The following LAMA1 variants were observed in gnomAD, a reference collection of about 807,000 sequenced individuals.
LAMA1 encodes laminin subunit alpha-1.
A neutral mutation model predicts 348.7 loss-of-function variants in LAMA1; 219 were observed. The observed-to-expected ratio is 0.63, with a 90% CI of 0.56 to 0.70. The LOEUF (loss-of-function observed/expected upper bound fraction) is 0.70. Among genes scored for constraint, LAMA1 ranks in the 30% least tolerant of loss-of-function variants. The pLI, the probability that LAMA1 is intolerant of heterozygous loss-of-function variation, is 0.00. For synonymous variants in LAMA1, 1,487 were observed against 1,491.0 expected, an observed-to-expected ratio of 1.00 and a Z score of 0.06; for missense variants, 3,744 against 3,888.0, an observed-to-expected ratio of 0.96 and a Z score of 0.99.
chr18:6,963,543 C>T (rs956682262), intron 51 of LAMA1, among the ~76,000 whole-genome samples: 4 of 152,220 alleles, frequency 2.6e-5, no homozygotes, highest in African/African-American at 9.6e-5. Context: ...AGAAGTGGCT[C>T]TCTCTACAAA....
Position 7,016,050 on chromosome 18 carries a change from A to G in LAMA1, c.2990-192T>C, listed in dbSNP as rs1205586701. Among the ~76,000 whole-genome samples, 3 of 152,146 alleles carry G rather than the reference A, an allele frequency of 2.0e-5. No homozygotes were observed. The East Asian group carries it at 5.8e-4, about 29-fold the overall frequency. ...CCTCCATCTCAGGAGATGCTGAGGGAAGCGGGGAAATGGGGACAGGACAGG... is the reference window on the plus strand; with the variant it reads ...CCTCCATCTCAGGAGATGCTGAGGGGAGCGGGGAAATGGGGACAGGACAGG... On this transcript the variant is annotated intron_variant, in intron 21 of 62. Coordinates refer to ENST00000389658, the MANE Select transcript of LAMA1 (RefSeq NM_005559.4).
intron 41 of LAMA1, among the ~76,000 whole-genome samples, chr18:6,981,058 G>C (rs1461969298): frequency 6.6e-6 from 1 of 151,372 alleles, no homozygotes; most frequent in Non-Finnish European, 1.5e-5. Flanking sequence ...AGCTGAGATC[G>C]TGCCACTGCA....
intron 33 of LAMA1, among the ~76,000 whole-genome samples, chr18:6,996,243 T>C (rs2057780611): frequency 6.6e-6 from 1 of 152,028 alleles, no homozygotes; most frequent in Non-Finnish European, 1.5e-5. Flanking sequence ...GAACTACCAT[T>C]ATAGAGAAAA....
At chr18:7,081,191 T>C (rs926269027) in intron 1 of LAMA1, among the ~76,000 whole-genome samples, 2 of 152,184 alleles carry the variant, frequency 1.3e-5, no homozygotes, top group East Asian at 3.9e-4. Context: ...GGCGAGAGTA[T>C]GGGTGTTCAC....
chr18:6,982,260 T>C (rs1568017508), intron 41 of LAMA1, among the ~76,000 whole-genome samples: 1 of 152,166 alleles, frequency 6.6e-6, no homozygotes, highest in Non-Finnish European at 1.5e-5. Flanking sequence ...AAGATAGAGA[T>C]GACTGCACAA....
intron 12 of LAMA1, 45 bp from the exon 13 acceptor site, chr18:7,036,133 A>G: frequency 7.4e-7 from 1 of 1,357,360 alleles, no homozygotes; most frequent in Non-Finnish European, 1.1e-6. Flanking sequence ...GAAGACAATC[A>G]CAGCAACAAT....
chr18:7,005,113 C>A (rs1358507405), intron 29 of LAMA1, among the ~76,000 whole-genome samples: 1 of 152,208 alleles, frequency 6.6e-6, no homozygotes, highest in Non-Finnish European at 1.5e-5. Context: ...GGACCCACGA[C>A]CACTCCATCT....
chr18:7,026,364 G>A (rs1027142364), intron 16 of LAMA1, among the ~76,000 whole-genome samples: 2 of 152,210 alleles, frequency 1.3e-5, no homozygotes, highest in Non-Finnish European at 2.9e-5. Context: ...TCAAGCTTTT[G>A]CAAACATGAC....
chr18:7,019,861 T>C (rs1353968734), intron 19 of LAMA1, among the ~76,000 whole-genome samples: 1 of 151,804 alleles, frequency 6.6e-6, no homozygotes, highest in Non-Finnish European at 1.5e-5. Context: ...TTTGTATTTT[T>C]AGTAGAGATG....
rs919996578 is a variant in LAMA1, at chr18:7,000,846, A to G, written c.4383-849T>C. The stretch of plus-strand genomic sequence containing the variant: ...CTCTTTTTCCTCCTTAAAATAGTAA[A>G]GGGATAGACTTCAGTGGAAACAAAA... On this transcript the variant is annotated intron_variant, in intron 30 of 62. Transcript: ENST00000389658. Among the ~76,000 whole-genome samples the G allele has an allele frequency of 1.6e-4, 24 of 152,316 alleles. 1 individual carries two copies. Among genetic ancestry groups the G allele is most frequent in the South Asian group, 1.5e-3 (7 of 4,826 alleles).
Position 7,011,489 on chromosome 18 carries a change from G to C in LAMA1, c.3508-10C>G. The C allele has an allele frequency of 1.3e-6, 2 of 1,592,728 alleles. No homozygotes were observed. Among genetic ancestry groups the C allele is most frequent in the Non-Finnish European group, 8.5e-7 (1 of 1,169,768 alleles). On this transcript the variant is annotated splice_polypyrimidine_tract_variant and intron_variant, in intron 24 of 62. Transcript: ENST00000389658. ...CGGAGCCCAGCGTTACCTAAACCAC[G>C]AAAGGAGGGGAAAGTGCACTTCAAA...
chr18:7,017,005 A>G (rs981966302), intron 20 of LAMA1, among the ~76,000 whole-genome samples: 8 of 152,304 alleles, frequency 5.3e-5, no homozygotes, highest in Admixed American at 4.6e-4. Context: ...TGATGATTTT[A>G]TAAGTGTTGA....
chr18:7,117,227 T>C (rs1197971762), intron 1 of LAMA1, among the ~76,000 whole-genome samples: 1 of 152,014 alleles, frequency 6.6e-6, no homozygotes, highest in Non-Finnish European at 1.5e-5. Flanking sequence ...GGGAGAGCTC[T>C]TTCTCCATTC....
intron 19 of LAMA1, among the ~76,000 whole-genome samples, chr18:7,021,671 GTATTATTAAAATACATTTCACC>G (rs912350811): frequency 6.6e-6 from 1 of 151,230 alleles, no homozygotes; most frequent in Non-Finnish European, 1.5e-5. Flanking sequence ...CAGATAGAAT[GTATTATTAAAATACATTTCACC>G]TACTTCTTTT....
At chr18:7,040,323 G>GA in intron 9 of LAMA1, 87 bp from the exon 10 acceptor site, 1 of 1,388,350 alleles carries the variant, frequency 7.2e-7, no homozygotes, top group East Asian at 2.3e-5. Flanking sequence ...TAAAGGGTCA[G>GA]AGGGTATCTA....
chr18:6,996,909 C>G (rs192173971), intron 33 of LAMA1, among the ~76,000 whole-genome samples: 1 of 152,228 alleles, frequency 6.6e-6, no homozygotes, highest in Non-Finnish European at 1.5e-5. Context: ...AAACATAAAA[C>G]TATGATTTAC....
At chr18:7,052,171 G>C (rs1188402173) in intron 3 of LAMA1, among the ~76,000 whole-genome samples, 1 of 152,188 alleles carries the variant, frequency 6.6e-6, no homozygotes, top group Non-Finnish European at 1.5e-5. Flanking sequence ...GTTCATGTCT[G>C]TAATCCCAGC....
intron 16 of LAMA1, among the ~76,000 whole-genome samples, chr18:7,027,800 G>T (rs500515): frequency 6.6e-6 from 1 of 151,980 alleles, no homozygotes; most frequent in African/African-American, 2.4e-5. Context: ...AAAATTAGCC[G>T]GGCGTGGTGG....
chr18:7,039,225 TG>T (rs2058010059), intron 10 of LAMA1, among the ~76,000 whole-genome samples: 1 of 152,240 alleles, frequency 6.6e-6, no homozygotes, highest in Non-Finnish European at 1.5e-5. Flanking sequence ...ATTTTTTTAC[TG>T]ATCTTTCCAG....
Sources: gnomAD v4.1 joint callset for allele counts (sites outside exome capture counted in the v4.1 genomes callset) on GRCh38, gnomAD v4.1.1 for gene constraint, MANE v1.5 for transcripts, NCBI Gene and HGNC (gene_info 2026-07-23, HGNC 2026-07-21) for gene names.